The following CENPN variants were observed in gnomAD, a reference collection of about 807,000 sequenced individuals.
CENPN encodes interphase centromere complex protein 32.
CENPN carries 36 observed loss-of-function variants against 48.6 expected under a neutral mutation model. The ratio of observed to expected loss-of-function variants is 0.74; its 90% CI spans 0.57 to 0.98. The LOEUF is 0.98. Ranked by LOEUF, CENPN falls within the 50% of genes least tolerant of loss-of-function variation. CENPN has a pLI of 0.00. For synonymous variants in CENPN, 166 were observed against 135.2 expected, an observed-to-expected ratio of 1.23 and a Z score of -1.58; for missense variants, 439 against 399.2, an observed-to-expected ratio of 1.10 and a Z score of -0.85.
intron 7 of CENPN, chr16:81,024,356 T>C (rs1567554079): frequency 6.3e-6 from 1 of 158,570 alleles, no homozygotes; most frequent in Non-Finnish European, 1.4e-5. Context: ...GATTCAGACT[T>C]ACAGTAGGAA....
chr16:81,008,353 T>C (rs1013247548), intron 1 of CENPN, among the ~76,000 whole-genome samples: 1 of 152,024 alleles, frequency 6.6e-6, no homozygotes, highest in Non-Finnish European at 1.5e-5. Context: ...ACGGGTAGCC[T>C]CGTCTGTGGG....
In CENPN at chr16:81,020,153, C is replaced by A; in HGVS notation, c.408C>A (p.Ala136=). Residue 136 remains alanine, a synonymous_variant, in exon 6 of 11, where the codon GCC becomes GCA. Coordinates refer to ENST00000305850, the MANE Select transcript of CENPN (RefSeq NM_001100624.3). The stretch of plus-strand genomic sequence containing the variant: ...AGAATGCAGTCTGGATTCGAATTGC[C>A]TGGGGAACACAGTACACAAAGCCAA... ...TEENAVWIRI[A]WGTQYTKPNQ... is the part of the protein sequence containing the mutation. 1 of 1,613,310 alleles carries A rather than the reference C, an allele frequency of 6.2e-7. No homozygotes were observed. The highest frequency in any genetic ancestry group is 8.5e-7 in the Non-Finnish European group (1 of 1,179,798).
At position 81,021,552 on chromosome 16, in the gene CENPN, G is replaced by A. The variant is rs998038075; in HGVS notation, c.532-1045G>A. ...CACTGTTGTGACCAGGCGAGCCCTA[G>A]GTAGTAAATGACTACTTGCTTGTCA... On this transcript the variant is annotated intron_variant, in intron 6 of 10. Transcript: ENST00000305850. Among the ~76,000 whole-genome samples, 10 of 152,094 alleles carry A rather than the reference G, an allele frequency of 6.6e-5. No individual in the cohort carries two copies. The South Asian group carries it at 1.7e-3, about 25-fold the overall frequency.
At chr16:81,007,528 TGC>T (rs532297300) in intron 1 of CENPN, 10 of 152,306 alleles carry the variant, frequency 6.6e-5, no homozygotes, top group African/African-American at 2.4e-4. Flanking sequence ...GGCTCGCGAC[TGC>T]GTCAGGGGAG....
At chr16:81,027,749 G>A (rs1970574782) in intron 9 of CENPN, among the ~76,000 whole-genome samples, 1 of 152,176 alleles carries the variant, frequency 6.6e-6, no homozygotes, top group African/African-American at 2.4e-5. Context: ...CTGTTGCCCA[G>A]GCTGGAGTGC....
chr16:81,028,240 C>G lies in CENPN; in HGVS notation c.880C>G (p.Leu294Val). ...TGAGAGGGAAGAACCCCTCCGATGC[C>G]TAATAAAGTTCTCTAGCCCACATCT... The part of the protein sequence containing the change: ...LAEREEPLRC[L>V]IKFSSPHLLE... The change falls in exon 10 of 11, where the codon CTA (leucine) becomes GTA (valine). Residue 294 changes from leucine to valine, a missense_variant. Transcript: ENST00000305850. The G allele has an allele frequency of 1.2e-6, 2 of 1,613,836 alleles. No individual in the cohort carries two copies. Among genetic ancestry groups the G allele is most frequent in the Non-Finnish European group, 8.5e-7 (1 of 1,179,714 alleles).
rs757391066 is a variant in CENPN, at chr16:81,028,539, T to C, written c.938-30T>C. ...CCTCCTGTGATGACTTTTAATTTTC[T>C]TTTTCCCTTTTTTTTTTTTTTAATT... is the stretch of plus-strand genomic sequence containing the variant. On this transcript the variant is annotated intron_variant, in intron 10 of 10. Coordinates refer to ENST00000305850, the MANE Select transcript of CENPN (RefSeq NM_001100624.3). The C allele has an allele frequency of 6.6e-6, 10 of 1,515,412 alleles. No homozygotes were observed. In the South Asian group the frequency reaches 9.5e-5, roughly 14 times the overall value. 93.9% of individuals were successfully genotyped at this position (1,515,412 alleles called of 1,614,324 possible).
chr16:81,014,214 CA>C (rs1271080549), intron 3 of CENPN, 33 bp downstream of exon 3: 1 of 1,588,038 alleles, frequency 6.3e-7, no homozygotes, highest in Non-Finnish European at 8.6e-7. Flanking sequence ...TATACTTAAC[CA>C]ATCAGTTTAT....
At position 81,022,125 on chromosome 16, in the gene CENPN, T is replaced by C. The variant is rs942227886; in HGVS notation, c.532-472T>C. On this transcript the variant is annotated intron_variant, in intron 6 of 10. Coordinates refer to ENST00000305850, the MANE Select transcript of CENPN (RefSeq NM_001100624.3). ...TCTCTAGATCAGGTTAAACATCTTA[T>C]CCTATCATAGTAATTCTGTTTCAGT... Among the ~76,000 whole-genome samples the C allele has an allele frequency of 3.3e-5, 5 of 152,194 alleles. No individual in the cohort carries two copies. The South Asian group carries it at 6.2e-4, about 19-fold the overall frequency.
chr16:81,008,449 GCAACCT>G (rs1567545037), intron 1 of CENPN, among the ~76,000 whole-genome samples: 1 of 151,972 alleles, frequency 6.6e-6, no homozygotes, highest in Non-Finnish European at 1.5e-5. Flanking sequence ...TCGGCTCACT[GCAACCT>G]CCTCCTCCCG....
intron 4 of CENPN, 143 bp downstream of exon 4, chr16:81,017,528 G>A (rs1597312412): frequency 1.4e-6 from 1 of 697,052 alleles, no homozygotes; most frequent in Non-Finnish European, 2.5e-6. Flanking sequence ...AAAAATAGCA[G>A]TATGTTCCTC....
intron 2 of CENPN, 108 bp from the exon 3 acceptor site, chr16:81,014,028 A>G: frequency 1.3e-6 from 1 of 769,652 alleles, no homozygotes. Context: ...TCAGTAAAGT[A>G]CTGAGAATGT....
chr16:81,018,112 T>C (rs1970008423), intron 5 of CENPN, among the ~76,000 whole-genome samples: 1 of 152,126 alleles, frequency 6.6e-6, no homozygotes, highest in Non-Finnish European at 1.5e-5. Context: ...ACTGTTCAGT[T>C]CAGCCACATG....
chr16:81,024,384 C>T lies in CENPN; in HGVS notation c.634-331C>T, dbSNP rs561714534. The T allele has an allele frequency of 1.5e-3, 248 of 166,054 alleles. 2 individuals carry two copies. Among genetic ancestry groups the T allele is most frequent in the African/African-American group, 5.7e-3 (239 of 42,054 alleles). 10.3% of individuals were successfully genotyped at this position (166,054 alleles called of 1,614,324 possible). A position where few individuals can be genotyped will look rare whatever the true frequency, so the allele number is the denominator to read the frequency against. On this transcript the variant is annotated intron_variant, in intron 7 of 10. Transcript: ENST00000305850. Reference sequence around the variant, plus strand: ...AGTAGGAAAGTTATTTTTCCAATCTCAGTAAGTTTTTTAGGGTTATGAAGA... The same window carrying T: ...AGTAGGAAAGTTATTTTTCCAATCTTAGTAAGTTTTTTAGGGTTATGAAGA...
At chr16:81,010,474 A>G (rs564745259) in intron 1 of CENPN, among the ~76,000 whole-genome samples, 2 of 152,270 alleles carry the variant, frequency 1.3e-5, no homozygotes, top group South Asian at 4.1e-4. Flanking sequence ...CTTATAGACA[A>G]TTAAGGAATC....
In CENPN at chr16:81,028,954, C is replaced by T. The variant is rs937080337; in HGVS notation, c.*303C>T. On this transcript the variant is annotated 3_prime_UTR_variant, in exon 11 of 11. Transcript: ENST00000305850. ...CTGAAATCAAGCATATGGCACAGCG[C>T]TCAAGACTTTTGGGTTTGTGTCCTT... 5 of 1,044,964 alleles carry T rather than the reference C, an allele frequency of 4.8e-6. No homozygotes were observed. Among genetic ancestry groups the T allele is most frequent in the Non-Finnish European group, 5.8e-6 (5 of 869,494 alleles). The allele number at this position is 1,044,964 out of a possible 1,614,324, so 64.7% of individuals were successfully genotyped here.
chr16:81,009,302 C>G (rs934501568), intron 1 of CENPN, among the ~76,000 whole-genome samples: 66 of 152,110 alleles, frequency 4.3e-4, no homozygotes, highest in African/African-American at 1.5e-3. Flanking sequence ...GAGAAACCAT[C>G]TAAGCTAACA....
chr16:81,027,429 G>A (rs1970556032), intron 9 of CENPN, among the ~76,000 whole-genome samples: 2 of 152,132 alleles, frequency 1.3e-5, no homozygotes, highest in Admixed American at 6.5e-5. Flanking sequence ...AGGCTGCAAT[G>A]AGCCATGTTC....
chr16:81,028,050 G>T (rs558695374), intron 9 of CENPN, 121 bp from the exon 10 acceptor site: 1 of 899,506 alleles, frequency 1.1e-6, no homozygotes, highest in Non-Finnish European at 1.7e-6. Flanking sequence ...CCCCACCCCT[G>T]TTAATTCCTG....
Sources: gnomAD v4.1 joint callset for allele counts (sites outside exome capture counted in the v4.1 genomes callset) on GRCh38, gnomAD v4.1.1 for gene constraint, MANE v1.5 for transcripts, NCBI Gene and HGNC (gene_info 2026-07-23, HGNC 2026-07-21) for gene names.